PIGR: variants seen among roughly 807,000 people sequenced by gnomAD.
The protein encoded by PIGR is polymeric immunoglobulin receptor.
Under a neutral mutation model 69.5 loss-of-function variants are expected in PIGR, and 22 were observed. That is an observed-to-expected ratio of 0.32 (90% CI 0.23 to 0.45). PIGR has a LOEUF of 0.45. Ranked by LOEUF, PIGR falls within the 20% of genes least tolerant of loss-of-function variation. The pLI is 1.00. For missense variants in PIGR, 885 were observed against 974.0 expected (o/e 0.91, Z 1.22); for synonymous variants, 413 against 407.6 (o/e 1.01, Z -0.16).
intron 4 of PIGR, 35 bp downstream of exon 4, chr1:206,937,059 GC>G: frequency 6.6e-7 from 1 of 1,514,796 alleles, no homozygotes; most frequent in Non-Finnish European, 8.8e-7. Context: ...CTGCGAGACT[GC>G]CCCACCTACT....
intron 1 of PIGR, 128 bp downstream of exon 1, chr1:206,946,208 C>T (rs576182204): frequency 2.0e-5 from 3 of 152,770 alleles, no homozygotes; most frequent in African/African-American, 7.2e-5. Flanking sequence ...CACAGTCTGC[C>T]TCCTTGTCCT....
At chr1:206,931,930 A>G (rs1461575102) in intron 8 of PIGR, 128 bp from the exon 9 acceptor site, 1 of 1,001,574 alleles carries the variant, frequency 1.0e-6, no homozygotes. Flanking sequence ...AGCTCTGACT[A>G]TGACCCAGGG....
At position 206,934,410 on chromosome 1, in the gene PIGR, G is replaced by A. The variant is rs751502789; in HGVS notation, c.1705+10C>T. On this transcript the variant is annotated intron_variant, in intron 6 of 10. Transcript: ENST00000356495. ...TCTGAGGGGTGCAGGCCCTGTCCTT[G>A]GAGACTCACCCGCTGCCTTCCTCTC... is the stretch of plus-strand genomic sequence containing the variant. The A allele has an allele frequency of 5.6e-6, 9 of 1,609,596 alleles. No individual in the cohort carries two copies. The East Asian group carries it at 1.8e-4, about 32-fold the overall frequency.
intron 1 of PIGR, among the ~76,000 whole-genome samples, chr1:206,942,146 A>C (rs945751028): frequency 3.3e-5 from 5 of 152,180 alleles, no homozygotes; most frequent in African/African-American, 9.7e-5. Context: ...GAATAAAGGG[A>C]GGGAGTGGGA....
In PIGR at chr1:206,945,031, A is replaced by G. The variant is rs985163713; in HGVS notation, c.-54+1305T>C. Among the ~76,000 whole-genome samples the G allele has an allele frequency of 4.1e-4, 62 of 152,202 alleles. 1 individual carries two copies. The highest frequency in any genetic ancestry group is 2.9e-5 in the Non-Finnish European group (2 of 68,042). On this transcript the variant is annotated intron_variant, in intron 1 of 10. Transcript: ENST00000356495. ...GGAAGCCTGTGTGACCCCATTTTTT[A>G]TCACCTAAAGCCACAGAGGTCTAGC...
chr1:206,933,715 C>G (rs1435240544), intron 6 of PIGR, among the ~76,000 whole-genome samples: 1 of 152,178 alleles, frequency 6.6e-6, no homozygotes, highest in Admixed American at 6.5e-5. Flanking sequence ...ATGAAGGTAT[C>G]TGGCCCTCTT....
intron 6 of PIGR, among the ~76,000 whole-genome samples, chr1:206,933,917 T>C (rs11119847): frequency 0.062 from 9,398 of 151,718 alleles, 988 homozygotes; most frequent in African/African-American, 0.21. Context: ...TTGCCTAGGC[T>C]AGAGTGTGGT....
chr1:206,939,804 G>A (rs1403446894), intron 2 of PIGR, among the ~76,000 whole-genome samples: 2 of 152,168 alleles, frequency 1.3e-5, no homozygotes, highest in East Asian at 3.8e-4. Context: ...TCGGCTCACT[G>A]CAACCTCCGC....
Position 206,932,532 on chromosome 1 carries a change from C to G in PIGR, c.1932G>C (p.Leu644=). 6.2e-7 allele frequency: 1 copy of G among 1,613,960 alleles called. No individual in the cohort carries two copies. Among genetic ancestry groups the G allele is most frequent in the Admixed American group, 1.7e-5 (1 of 59,998 alleles). Residue 644 remains leucine (L), a synonymous_variant, in exon 8 of 11, where the codon CTG becomes CTC. Transcript: ENST00000356495. ...CTGCCAGCACCAGGCCCAGGGGCAC[C>G]AGGGTGGAGACCAGCGCTCTGGAGC... ...GGSSRALVST[L]VPLGLVLAVG...
chr1:206,937,268 G>A lies in PIGR; in HGVS notation c.872C>T (p.Pro291Leu). The part of the protein sequence containing the change: ...VVVNTLGKRA[P>L]AFEGRILLNP... ...GAGCAGGATCCTGCCCTCAAAGGCT[G>A]GGGCCCTCTTCCCCAGGGTGTTGAC... Residue 291 changes from proline (P) to leucine (L), a missense_variant, in exon 4 of 11, where the codon CCA becomes CTA. Pro to Leu is a moderately conservative substitution (Grantham distance 98). Coordinates refer to ENST00000356495, the MANE Select transcript of PIGR (RefSeq NM_002644.4). 6.2e-7 allele frequency: 1 copy of A among 1,613,934 alleles called. No homozygotes were observed.
intron 7 of PIGR, 107 bp from the exon 8 acceptor site, chr1:206,932,684 C>A (rs1265628304): frequency 6.0e-6 from 8 of 1,323,950 alleles, no homozygotes; most frequent in Non-Finnish European, 7.1e-6. Context: ...TTATCCACCC[C>A]ACCCTGCTGA....
Position 206,935,923 on chromosome 1 carries a change from A to G in PIGR, c.1046-105T>C, listed in dbSNP as rs1481704468. The G allele has an allele frequency of 6.6e-6, 5 of 761,864 alleles. No individual in the cohort carries two copies. Among genetic ancestry groups the G allele is most frequent in the Non-Finnish European group, 1.1e-5 (5 of 463,282 alleles). The allele number at this position is 761,864 out of a possible 1,614,324, so 47.2% of individuals were successfully genotyped here. A position where few individuals can be genotyped will look rare whatever the true frequency, so the allele number is the denominator to read the frequency against. ...GGGTCTCAGCCAGGATGGGGAGTGA[A>G]GTTTACACGCATCACCTTACCCTCT... On this transcript the variant is annotated intron_variant, in intron 4 of 10. Transcript: ENST00000356495. This position sits in a 1 kb window ranked among gnomAD's most constrained non-coding sequence, Gnocchi z 4.4.
At position 206,944,032 on chromosome 1, in the gene PIGR, G is replaced by A. The variant is rs139235351; in HGVS notation, c.-54+2304C>T. 4.5e-3 allele frequency among the ~76,000 whole-genome samples: 693 copies of A among 152,320 alleles called. 6 individuals are homozygous for A. Among genetic ancestry groups the A allele is most frequent in the African/African-American group, 0.015 (631 of 41,574 alleles). ...ATGGGATTCTAGATCAAGAGCATAG[G>A]CCCTTAGCCACTCTGCTTTACCTCA... On this transcript the variant is annotated intron_variant, in intron 1 of 10. Coordinates refer to ENST00000356495, the MANE Select transcript of PIGR (RefSeq NM_002644.4).
intron 4 of PIGR, among the ~76,000 whole-genome samples, chr1:206,936,234 A>G (rs1025912128): frequency 6.6e-5 from 10 of 152,216 alleles, no homozygotes; most frequent in Non-Finnish European, 1.5e-4. Flanking sequence ...AAATATATTT[A>G]GGATGGTATG....
rs996456745 is a variant in PIGR, at chr1:206,930,470, CAG to C, written c.2200-59_2200-58del. The C allele has an allele frequency of 3.2e-6, 5 of 1,569,444 alleles. No homozygotes were observed. The African/African-American group carries it at 6.8e-5, about 21-fold the overall frequency. ...GGGGCACTGGCTCAGTGGGTGGAGTCAGGGGAGGGGAGGTGCTTAATGTCCTG... is the reference window on the plus strand; with the variant it reads ...GGGGCACTGGCTCAGTGGGTGGAGTCGGGAGGGGAGGTGCTTAATGTCCTG... On this transcript the variant is annotated intron_variant, in intron 10 of 10. Transcript: ENST00000356495. This position sits in a 1 kb window ranked among gnomAD's most constrained non-coding sequence, Gnocchi z 4.3.
At position 206,938,780 on chromosome 1, in the gene PIGR, C is replaced by T. The variant is rs947644047; in HGVS notation, c.388+339G>A. ...TTTAAGGATCCCTGTAAATCTCTCC[C>T]TACCTTTTCTATCTCCTTAGCCTGA... is the stretch of plus-strand genomic sequence containing the variant. On this transcript the variant is annotated intron_variant, in intron 3 of 10. Coordinates refer to ENST00000356495, the MANE Select transcript of PIGR (RefSeq NM_002644.4). 2.0e-5 allele frequency among the ~76,000 whole-genome samples: 3 copies of T among 152,136 alleles called. No homozygotes were observed. In the South Asian group the frequency reaches 6.2e-4, roughly 31 times the overall value.
chr1:206,930,047 T>C lies in PIGR; in HGVS notation c.*271A>G, dbSNP rs892548914. The C allele has an allele frequency of 2.8e-5, 10 of 363,176 alleles. No individual in the cohort carries two copies. The South Asian group carries it at 7.7e-4, about 28-fold the overall frequency. The allele number at this position is 363,176 out of a possible 1,614,324, so 22.5% of individuals were successfully genotyped here. ...GGTCCCTCTTCCTTCAAGGGACCCA[T>C]GAGGACCTCTATTCTTCTCCGTACC... On this transcript the variant is annotated 3_prime_UTR_variant, in exon 11 of 11. Transcript: ENST00000356495. The surrounding 1 kb of genome is among the most constrained non-coding windows in gnomAD (Gnocchi z 4.3).
At chr1:206,942,593 G>T (rs1046973937) in intron 1 of PIGR, among the ~76,000 whole-genome samples, 2 of 152,226 alleles carry the variant, frequency 1.3e-5, no homozygotes, top group Non-Finnish European at 2.9e-5. Context: ...ATATTTGCGT[G>T]AGACAGGAGT....
At chr1:206,943,319 T>G (rs1282896147) in intron 1 of PIGR, among the ~76,000 whole-genome samples, 3 of 152,188 alleles carry the variant, frequency 2.0e-5, no homozygotes, top group Non-Finnish European at 2.9e-5. Context: ...AGAATCCTAA[T>G]TTGAGGTCAC....
Sources: allele counts gnomAD v4.1 joint callset (sites outside exome capture counted in the v4.1 genomes callset), GRCh38; gene constraint gnomAD v4.1.1; non-coding constraint Gnocchi (gnomAD v3.1); transcripts MANE v1.5; gene names NCBI Gene and HGNC (gene_info 2026-07-23, HGNC 2026-07-21).